GLDC: variants seen among roughly 807,000 people sequenced by gnomAD.
The protein encoded by GLDC is glycine decarboxylase.
GLDC carries 104 observed loss-of-function variants against 121.3 expected under a neutral mutation model. The ratio of observed to expected loss-of-function variants is 0.86; its 90% confidence interval spans 0.73 to 1.01. GLDC has a LOEUF of 1.01. Ranked by LOEUF, GLDC falls within the 50% of genes least tolerant of loss-of-function variation. The probability of loss-of-function intolerance (pLI) is 0.00; values close to 1 mark genes in which losing one functional copy is unlikely to be tolerated. For missense variants in GLDC, 1,429 were observed against 1,306.6 expected, an observed-to-expected ratio of 1.09 and a Z score of -1.44; for synonymous variants, 546 against 480.6, an observed-to-expected ratio of 1.14 and a Z score of -1.78.
At chr9:6,577,572 A>G (rs1818091005) in intron 15 of GLDC, among the ~76,000 whole-genome samples, 1 of 152,228 alleles carries the variant, frequency 6.6e-6, no homozygotes. Flanking sequence ...ACATATGATC[A>G]AGGCTTTAAA....
At chr9:6,636,115 T>A (rs990175386) in intron 2 of GLDC, among the ~76,000 whole-genome samples, 1 of 151,754 alleles carries the variant, frequency 6.6e-6, no homozygotes, top group African/African-American at 2.4e-5. Flanking sequence ...CCAGCCTGGC[T>A]AACATGGTGA....
At chr9:6,611,404 C>T (rs560912743) in intron 3 of GLDC, among the ~76,000 whole-genome samples, 142 of 152,132 alleles carry the variant, frequency 9.3e-4, no homozygotes, top group African/African-American at 3.2e-3. Context: ...AAAATACAAA[C>T]AATTAGCCAG....
intron 2 of GLDC, among the ~76,000 whole-genome samples, chr9:6,628,573 T>C (rs770468215): frequency 6.6e-6 from 1 of 152,160 alleles, no homozygotes; most frequent in Non-Finnish European, 1.5e-5. Flanking sequence ...GAAGGATTGT[T>C]TGAGCCCAGG....
intron 15 of GLDC, among the ~76,000 whole-genome samples, chr9:6,578,849 T>G (rs913446445): frequency 9.9e-5 from 15 of 152,192 alleles, no homozygotes; most frequent in African/African-American, 3.6e-4. Context: ...TACTTTCCAG[T>G]TCTCCTTGTG....
In GLDC at chr9:6,592,867, A is replaced by C. The variant is rs776518965; in HGVS notation, c.1385T>G (p.Leu462Arg). Reference sequence around the variant, plus strand: ...TTGACTTACTGTGCCATCCTCAAAAAGCCGAAAATTGATCTGCCGCTGAGC... The same window carrying C: ...TTGACTTACTGTGCCATCCTCAAAACGCCGAAAATTGATCTGCCGCTGAGC... ...RAAQRQINFR[L>R]FEDGTLGISL... is the part of the protein sequence containing the mutation. The change falls in exon 10 of 25, where the codon CTT (leucine) becomes CGT (arginine). Residue 462 changes from leucine to arginine, a missense_variant. Coordinates refer to ENST00000321612, the MANE Select transcript of GLDC (RefSeq NM_000170.3). The C allele has an allele frequency of 6.2e-7, 1 of 1,613,558 alleles. No homozygotes were observed. The highest frequency in any genetic ancestry group is 8.5e-7 in the Non-Finnish European group (1 of 1,179,996).
chr9:6,552,514 G>T (rs913612393), intron 20 of GLDC, among the ~76,000 whole-genome samples: 1 of 152,190 alleles, frequency 6.6e-6, no homozygotes, highest in Non-Finnish European at 1.5e-5. Flanking sequence ...AATTGTTCCG[G>T]CTTCCAAGAA....
At chr9:6,533,621 G>A (rs377559376) in intron 24 of GLDC, among the ~76,000 whole-genome samples, 1 of 152,108 alleles carries the variant, frequency 6.6e-6, no homozygotes, top group Non-Finnish European at 1.5e-5. Context: ...AACTTTGGGA[G>A]GCCAAGGCAG....
intron 21 of GLDC, among the ~76,000 whole-genome samples, chr9:6,550,464 T>A (rs1412319691): frequency 2.0e-5 from 3 of 151,960 alleles, no homozygotes; most frequent in Admixed American, 2.0e-4. Context: ...CTGTCTCTAC[T>A]AAAAATATAA....
intron 3 of GLDC, 98 bp downstream of exon 3, chr9:6,620,086 T>C (rs1232817371): frequency 1.7e-6 from 2 of 1,162,326 alleles, no homozygotes; most frequent in Admixed American, 1.7e-5. Flanking sequence ...GAGGTGGGTG[T>C]CAGTGTGGAG....
At chr9:6,611,779 G>A (rs1247930560) in intron 3 of GLDC, among the ~76,000 whole-genome samples, 1 of 152,092 alleles carries the variant, frequency 6.6e-6, no homozygotes, top group Non-Finnish European at 1.5e-5. Flanking sequence ...CTGTCTTTAT[G>A]GATATACTAA....
At position 6,604,788 on chromosome 9, in the gene GLDC, G is replaced by A. The variant is rs768905756; in HGVS notation, c.862-4C>T. The A allele has an allele frequency of 6.2e-7, 1 of 1,612,382 alleles. No homozygotes were observed. The highest frequency in any genetic ancestry group is 2.2e-5 in the East Asian group (1 of 44,884). On this transcript the variant is annotated splice_region_variant and splice_polypyrimidine_tract_variant and intron_variant, in intron 6 of 24. Transcript: ENST00000321612. The stretch of plus-strand genomic sequence containing the variant: ...CAGTAGCACAGCAGGCCAGGCTCTA[G>A]AAAGGAAGTGAGAGAAAAGGAACAA...
chr9:6,586,372 G>A lies in GLDC; in HGVS notation c.1850+769C>T, dbSNP rs189555459. Among the ~76,000 whole-genome samples the A allele has an allele frequency of 7.2e-5, 11 of 152,328 alleles. No individual in the cohort carries two copies. The East Asian group carries it at 2.1e-3, about 29-fold the overall frequency. ...CCTGGAGGTTATGATCAGTGCGTCT[G>A]GAGCGGGGCCCGGAGTTTGTATTTT... is the stretch of plus-strand genomic sequence containing the variant. On this transcript the variant is annotated intron_variant, in intron 15 of 24. Transcript: ENST00000321612.
At chr9:6,544,235 T>A (rs1817336389) in intron 21 of GLDC, among the ~76,000 whole-genome samples, 1 of 151,710 alleles carries the variant, frequency 6.6e-6, no homozygotes, top group East Asian at 1.9e-4. Context: ...GAGAATGAGG[T>A]TTCCCCGAGA....
chr9:6,567,229 A>G (rs907995319), intron 15 of GLDC: 1 of 152,224 alleles, frequency 6.6e-6, no homozygotes, highest in African/African-American at 2.4e-5. Flanking sequence ...AGCTGCAGCT[A>G]TCTCCGCTCT....
At chr9:6,630,083 C>A (rs1489881184) in intron 2 of GLDC, among the ~76,000 whole-genome samples, 7 of 150,736 alleles carry the variant, frequency 4.6e-5, no homozygotes, top group Non-Finnish European at 8.8e-5. Flanking sequence ...AGCCACCCCA[C>A]CTGGTCTCCC....
intron 2 of GLDC, among the ~76,000 whole-genome samples, chr9:6,626,342 T>A (rs1029705840): frequency 6.6e-6 from 1 of 152,058 alleles, no homozygotes; most frequent in Non-Finnish European, 1.5e-5. Flanking sequence ...AGGAGACCAG[T>A]CAAGAAGCGC....
At chr9:6,549,634 GC>G (rs1482375194) in intron 21 of GLDC, among the ~76,000 whole-genome samples, 1 of 152,062 alleles carries the variant, frequency 6.6e-6, no homozygotes, top group Non-Finnish European at 1.5e-5. Context: ...TAGGTCCTGA[GC>G]CCACAGCCCA....
intron 8 of GLDC, among the ~76,000 whole-genome samples, chr9:6,599,470 C>T (rs1818555891): frequency 1.3e-5 from 2 of 152,086 alleles, no homozygotes; most frequent in African/African-American, 4.8e-5. Context: ...TGCCTGTAAT[C>T]CCAGCACTTT....
chr9:6,579,750 T>C (rs1818139518), intron 15 of GLDC, among the ~76,000 whole-genome samples: 1 of 152,230 alleles, frequency 6.6e-6, no homozygotes, highest in South Asian at 2.1e-4. Flanking sequence ...GTTGTATTGC[T>C]ATAACTAGCT....
Sources: gnomAD v4.1 joint callset for allele counts (sites outside exome capture counted in the v4.1 genomes callset) on GRCh38, gnomAD v4.1.1 for gene constraint, MANE v1.5 for transcripts, NCBI Gene and HGNC (gene_info 2026-07-23, HGNC 2026-07-21) for gene names.